The following LOXHD1 variants were observed in gnomAD, a reference collection of about 807,000 sequenced individuals.
LOXHD1 encodes lipoxygenase homology PLAT domains 1, also known as lipoxygenase homology domain-containing protein 1.
Under a neutral mutation model 248.2 loss-of-function variants are expected in LOXHD1, and 205 were observed. The ratio of observed to expected loss-of-function variants is 0.83; its 90% CI spans 0.74 to 0.93. LOXHD1 has a LOEUF of 0.93. Among genes scored for constraint, LOXHD1 ranks in the 40% least tolerant of loss-of-function variants. The pLI, the probability that LOXHD1 is intolerant of heterozygous loss-of-function variation, is 0.00. For synonymous variants in LOXHD1, 1,113 were observed against 1,162.8 expected (o/e 0.96, Z 0.87); for missense variants, 2,930 against 2,971.6 (o/e 0.99, Z 0.33).
At position 46,485,122 on chromosome 18, in the gene LOXHD1, C is replaced by T. The variant is rs778228882; in HGVS notation, c.6079G>A (p.Gly2027Arg). 28 of 1,548,858 alleles carry T rather than the reference C, an allele frequency of 1.8e-5. No homozygotes were observed. The highest frequency in any genetic ancestry group is 3.6e-5 in the South Asian group (3 of 83,706). The change falls in exon 39 of 41, where the codon GGA (glycine) becomes AGA (arginine). Residue 2027 changes from glycine (G) to arginine (R), a missense_variant. Transcript: ENST00000642948. ...TYEIVIETGN[G>R]GETRENVWLI... is the part of the protein sequence containing the mutation. ...CAGACGTTCTCCCTGGTTTCGCCTC[C>T]GTTGCCCGTTTCTATGACGATCTCG...
In LOXHD1 at chr18:46,509,720, C is replaced by T. The variant is rs930376889; in HGVS notation, c.5495G>A (p.Arg1832Gln). The T allele has an allele frequency of 9.0e-6, 14 of 1,551,398 alleles. No homozygotes were observed. Among genetic ancestry groups the T allele is most frequent in the African/African-American group, 4.1e-5 (3 of 73,016 alleles). ...TACCCTCTCCAGGAACCACTCCGGC[C>T]GACTGCCCAGGCCATCAATCCGGAT... ...MRIRIDGLGS[R>Q]PEWFLERILL... is the part of the protein sequence containing the mutation. The change falls in exon 35 of 41, where the codon CGG becomes CAG. Residue 1832 changes from arginine to glutamine, a missense_variant. Physicochemically the swap from Arg to Gln is conservative, Grantham distance 43 (BLOSUM62 1). Coordinates refer to ENST00000642948, the MANE Select transcript of LOXHD1 (RefSeq NM_001384474.1).
intron 5 of LOXHD1, among the ~76,000 whole-genome samples, chr18:46,616,805 G>A (rs1355536558): frequency 2.6e-5 from 4 of 152,126 alleles, no homozygotes; most frequent in Non-Finnish European, 2.9e-5. Context: ...AACCTACATA[G>A]GTTGCTGATA....
chr18:46,634,184 C>T (rs2038862925), intron 4 of LOXHD1, among the ~76,000 whole-genome samples: 1 of 152,178 alleles, frequency 6.6e-6, no homozygotes, highest in Non-Finnish European at 1.5e-5. Flanking sequence ...AGTCCAATGT[C>T]TATCAACAGA....
intron 23 of LOXHD1, chr18:46,544,886 A>T (rs1426149930): frequency 2.1e-6 from 1 of 472,578 alleles, no homozygotes; most frequent in Admixed American, 2.4e-5. Context: ...TGAGGGACTG[A>T]CTGACTCCTC....
intron 21 of LOXHD1, among the ~76,000 whole-genome samples, chr18:46,551,917 T>C (rs1296503533): frequency 6.6e-6 from 1 of 152,204 alleles, no homozygotes; most frequent in African/African-American, 2.4e-5. Context: ...GGATGAAGCT[T>C]GAGGACAACA....
intron 14 of LOXHD1, among the ~76,000 whole-genome samples, chr18:46,576,505 C>G (rs1023553929): frequency 4.6e-5 from 7 of 152,172 alleles, no homozygotes; most frequent in African/African-American, 1.7e-4. Flanking sequence ...CCCACCCTCC[C>G]TTTTCCTCTC....
Position 46,477,555 on chromosome 18 carries a change from C to T in LOXHD1, c.6739G>A (p.Ala2247Thr). The T allele has an allele frequency of 1.9e-6, 3 of 1,551,644 alleles. No individual in the cohort carries two copies. The highest frequency in any genetic ancestry group is 2.6e-6 in the Non-Finnish European group (3 of 1,147,006). ...CACCTGCCACAGTTGAAGATGGTGG[C>T]CACGCCGGTGCTGGTGTTGGTGACC... ...VEVTNTSTGV[A>T]TIFNCGRWLD... The change falls in exon 41 of 41, where the codon GCC becomes ACC. Residue 2247 changes from alanine (A) to threonine (T), a missense_variant. Ala to Thr is a moderately conservative substitution (Grantham distance 58). Coordinates refer to ENST00000642948, the MANE Select transcript of LOXHD1 (RefSeq NM_001384474.1).
rs1336547898 is a variant in LOXHD1 at position 46,563,118 on chromosome 18, A to C, written c.2545T>G (p.Phe849Val). The C allele has an allele frequency of 5.2e-6, 8 of 1,546,646 alleles. No individual in the cohort carries two copies. The East Asian group carries it at 2.0e-4, about 38-fold the overall frequency. The change falls in exon 18 of 41, where the codon TTC becomes GTC. Residue 849 changes from phenylalanine to valine, a missense_variant. Transcript: ENST00000642948. ...YGEKGKTEVL[F>V]LSSRSKVFER... ...AAAACTTTTGAGCGGCTGGAGAGGA[A>C]GAGCACTTCTGTCTTGCCTTTCTCT...
chr18:46,559,368 G>T, intron 20 of LOXHD1, 80 bp downstream of exon 20: 1 of 1,550,278 alleles, frequency 6.5e-7, no homozygotes, highest in Non-Finnish European at 8.7e-7. Context: ...CAGCCATTGT[G>T]CTGCGATGGG....
intron 29 of LOXHD1, among the ~76,000 whole-genome samples, chr18:46,526,098 G>A (rs1372522665): frequency 1.3e-5 from 2 of 152,184 alleles, no homozygotes; most frequent in African/African-American, 2.4e-5. Flanking sequence ...GAGCAGTCCT[G>A]GGGTGCTGGC....
In LOXHD1 at chr18:46,560,186, C is replaced by A; in HGVS notation, c.2958G>T (p.Val986=). 1 of 1,551,760 alleles carries A rather than the reference C, an allele frequency of 6.4e-7. No homozygotes were observed. The highest frequency in any genetic ancestry group is 8.7e-7 in the Non-Finnish European group (1 of 1,147,014). Residue 986 remains valine (V), a synonymous_variant, in exon 19 of 41, where the codon GTG becomes GTT. Coordinates refer to ENST00000642948, the MANE Select transcript of LOXHD1 (RefSeq NM_001384474.1). The part of the protein sequence containing the change: ...EEEFGPGMQE[V]IEQHKFEAHR... ...GGGCTTCGAACTTGTGCTGCTCAAT[C>A]ACCTCCTGCATCCCCGGCCCAAACT...
In LOXHD1 at chr18:46,641,979, A is replaced by G; in HGVS notation, c.303T>C (p.Asn101=). 1 of 1,552,218 alleles carries G rather than the reference A, an allele frequency of 6.4e-7. No homozygotes were observed. Among genetic ancestry groups the G allele is most frequent in the Non-Finnish European group, 8.7e-7 (1 of 1,147,074 alleles). ...ACCTGACTTTATAGATGAGGCCCAC[A>G]TTGTTGGTTCTCACCCGGAACACAT... is the stretch of plus-strand genomic sequence containing the variant. ...NVDVFRVRTN[N]VGLIYKVRIE... Residue 101 remains asparagine (N), a synonymous_variant, in exon 3 of 41, where the codon AAT becomes AAC. Transcript: ENST00000642948.
intron 7 of LOXHD1, 130 bp from the exon 8 acceptor site, chr18:46,601,597 G>A: frequency 7.9e-7 from 1 of 1,265,556 alleles, no homozygotes; most frequent in Non-Finnish European, 1.1e-6. Context: ...TCCCCATCAT[G>A]TCCTACTCCT....
intron 19 of LOXHD1, among the ~76,000 whole-genome samples, chr18:46,559,865 T>G (rs2037474667): frequency 6.6e-6 from 1 of 152,184 alleles, no homozygotes; most frequent in African/African-American, 2.4e-5. Flanking sequence ...CAATTCTTCC[T>G]GAGAACCTCA....
At position 46,602,689 on chromosome 18, in the gene LOXHD1, A is replaced by C. The variant is rs74773288; in HGVS notation, c.884-1222T>G. Among the ~76,000 whole-genome samples, 857 of 152,142 alleles carry C rather than the reference A, an allele frequency of 5.6e-3. 18 individuals are homozygous for C. In the East Asian group the frequency reaches 0.074, roughly 13 times the overall value. ...ACATGGGTGTATTATTCATTCTTAAACTTACATTTTCTTTTGTTCAGCATT... is the reference window on the plus strand; with the variant it reads ...ACATGGGTGTATTATTCATTCTTAACCTTACATTTTCTTTTGTTCAGCATT... On this transcript the variant is annotated intron_variant, in intron 7 of 40. Coordinates refer to ENST00000642948, the MANE Select transcript of LOXHD1 (RefSeq NM_001384474.1).
intron 24 of LOXHD1, 137 bp downstream of exon 24, chr18:46,542,590 C>A: frequency 1.8e-6 from 2 of 1,094,212 alleles, no homozygotes; most frequent in Non-Finnish European, 2.6e-6. Context: ...CTCTACTGGG[C>A]TAAAGGGATT....
chr18:46,629,546 C>T (rs1348233347), intron 4 of LOXHD1, among the ~76,000 whole-genome samples: 1 of 152,082 alleles, frequency 6.6e-6, no homozygotes, highest in Non-Finnish European at 1.5e-5. Context: ...ATCCCATTCT[C>T]CCCTCAAATG....
chr18:46,518,081 G>T, intron 34 of LOXHD1, 48 bp downstream of exon 34: 5 of 1,548,738 alleles, frequency 3.2e-6, no homozygotes, highest in Non-Finnish European at 4.4e-6. Context: ...GGCAGAGGGG[G>T]AGAGTTGAAT....
At position 46,532,392 on chromosome 18, in the gene LOXHD1, C is replaced by T. The variant is rs184556767; in HGVS notation, c.4375+770G>A. ...GTCCATATGTTCTGGGAAAAGTGTG[C>T]GTGTGTGTGTGTCTGTATGTGTACA... On this transcript the variant is annotated intron_variant, in intron 28 of 40. Transcript: ENST00000642948. Among the ~76,000 whole-genome samples the T allele has an allele frequency of 3.9e-5, 6 of 151,994 alleles. No individual in the cohort carries two copies. The East Asian group carries it at 5.8e-4, about 15-fold the overall frequency.
Sources: allele counts gnomAD v4.1 joint callset (sites outside exome capture counted in the v4.1 genomes callset), GRCh38; gene constraint gnomAD v4.1.1; transcripts MANE v1.5; gene names NCBI Gene and HGNC (gene_info 2026-07-23, HGNC 2026-07-21).